The following DLG2 variants were observed in gnomAD, a reference collection of about 807,000 sequenced individuals.
The protein encoded by DLG2 is disks large homolog 2.
A neutral mutation model predicts 132.5 loss-of-function variants in DLG2; 45 were observed. The ratio of observed to expected loss-of-function variants is 0.34; its 90% CI spans 0.27 to 0.44. The LOEUF is 0.44. Among genes scored for constraint, DLG2 ranks in the 20% least tolerant of loss-of-function variants. The pLI, the probability that DLG2 is intolerant of heterozygous loss-of-function variation, is 1.00. For missense variants in DLG2, 1,045 were observed against 1,196.9 expected (o/e 0.87, Z 1.87); for synonymous variants, 424 against 419.6 (o/e 1.01, Z -0.13).
chr11:83,975,170 C>A (rs547905805), intron 12 of DLG2, among the ~76,000 whole-genome samples: 1 of 152,068 alleles, frequency 6.6e-6, no homozygotes, highest in African/African-American at 2.4e-5. Context: ...ATATGTATCA[C>A]CTTGGAAGTG....
At chr11:84,194,830 C>T (rs2096484477) in intron 8 of DLG2, among the ~76,000 whole-genome samples, 1 of 152,200 alleles carries the variant, frequency 6.6e-6, no homozygotes, top group Non-Finnish European at 1.5e-5. Context: ...AGCCCTTGGG[C>T]AGTTGATGGC....
rs531038056 is a variant in DLG2, at chr11:85,185,149, C to T, written c.187-30498G>A. On this transcript the variant is annotated intron_variant, in intron 4 of 27. Transcript: ENST00000376104. Reference sequence around the variant, plus strand: ...TTCAGTTCAGCTTACTTTTTGGCAACAGATACACCAAGATGCAGTTTGGTT... The same window carrying T: ...TTCAGTTCAGCTTACTTTTTGGCAATAGATACACCAAGATGCAGTTTGGTT... Among the ~76,000 whole-genome samples the T allele has an allele frequency of 4.6e-5, 7 of 151,986 alleles. No individual in the cohort carries two copies. The East Asian group carries it at 1.2e-3, about 25-fold the overall frequency.
intron 3 of DLG2, among the ~76,000 whole-genome samples, chr11:85,337,235 A>G (rs1393293468): frequency 2.0e-5 from 3 of 152,168 alleles, no homozygotes; most frequent in Admixed American, 6.5e-5. Flanking sequence ...TCTGTTAAAA[A>G]TATTTTAATT....
chr11:84,609,377 A>G (rs2099591369), intron 6 of DLG2, among the ~76,000 whole-genome samples: 2 of 152,136 alleles, frequency 1.3e-5, no homozygotes, highest in African/African-American at 2.4e-5. Context: ...ATAGTTGTTA[A>G]GTGTTATTGT....
chr11:83,887,238 C>A (rs12293572), intron 15 of DLG2, among the ~76,000 whole-genome samples: 7 of 151,452 alleles, frequency 4.6e-5, no homozygotes, highest in Non-Finnish European at 7.4e-5. Flanking sequence ...AAGAATCAAA[C>A]AGACGCAATA....
chr11:84,183,712 C>T (rs1370213801), intron 8 of DLG2, among the ~76,000 whole-genome samples: 2 of 152,132 alleles, frequency 1.3e-5, no homozygotes, highest in Non-Finnish European at 2.9e-5. Flanking sequence ...TCTCCTAATG[C>T]TATCCCTCCC....
At chr11:85,146,314 A>G (rs72961539) in intron 5 of DLG2, among the ~76,000 whole-genome samples, 2 of 150,018 alleles carry the variant, frequency 1.3e-5, no homozygotes, top group African/African-American at 4.9e-5. Context: ...TCCCAAAGCT[A>G]TCACAGCCAG....
chr11:84,124,953 C>A (rs527733525), intron 9 of DLG2, among the ~76,000 whole-genome samples: 1 of 147,680 alleles, frequency 6.8e-6, no homozygotes, highest in Non-Finnish European at 1.5e-5. Flanking sequence ...AGGGTTCAAG[C>A]GATTCTCCTG....
At chr11:85,342,020 A>G (rs1270712114) in intron 3 of DLG2, among the ~76,000 whole-genome samples, 1 of 152,226 alleles carries the variant, frequency 6.6e-6, no homozygotes, top group Non-Finnish European at 1.5e-5. Flanking sequence ...CTGATGAGTC[A>G]ATGAGTGAGT....
chr11:84,242,257 T>C (rs563278226), intron 8 of DLG2, among the ~76,000 whole-genome samples: 2 of 152,210 alleles, frequency 1.3e-5, no homozygotes, highest in East Asian at 1.9e-4. Flanking sequence ...ATGAGTACAG[T>C]AGTCAACAAA....
chr11:83,595,120 C>T (rs1277067710), intron 19 of DLG2, among the ~76,000 whole-genome samples: 1 of 134,822 alleles, frequency 7.4e-6, no homozygotes, highest in Non-Finnish European at 1.6e-5. Context: ...AGCAATAAAT[C>T]TATTTATGGG....
At chr11:84,699,799 C>G (rs1178477075) in intron 6 of DLG2, among the ~76,000 whole-genome samples, 1 of 151,624 alleles carries the variant, frequency 6.6e-6, no homozygotes, top group South Asian at 2.1e-4. Context: ...GGAAAAAGAG[C>G]TTCATATAGG....
At chr11:84,162,549 CACTATTATAA>C (rs1420712096) in intron 9 of DLG2, among the ~76,000 whole-genome samples, 1 of 151,986 alleles carries the variant, frequency 6.6e-6, no homozygotes, top group Non-Finnish European at 1.5e-5. Flanking sequence ...TTTCAATCTT[CACTATTATAA>C]ACCATATCAA....
intron 8 of DLG2, among the ~76,000 whole-genome samples, chr11:84,189,056 T>C (rs775657136): frequency 2.0e-4 from 31 of 152,216 alleles, no homozygotes; most frequent in African/African-American, 5.3e-4. Context: ...GTTCTGGAAA[T>C]ATTGAATACT....
At chr11:85,354,145 C>T (rs2083509858) in intron 3 of DLG2, among the ~76,000 whole-genome samples, 1 of 151,938 alleles carries the variant, frequency 6.6e-6, no homozygotes, top group Non-Finnish European at 1.5e-5. Context: ...CCTATATCTC[C>T]ACAAAATAAA....
At position 83,804,294 on chromosome 11, in the gene DLG2, C is replaced by T. The variant is rs532981832; in HGVS notation, c.1723-17502G>A. Among the ~76,000 whole-genome samples the T allele has an allele frequency of 1.4e-4, 22 of 152,198 alleles. 1 individual carries two copies. In the South Asian group the frequency reaches 4.6e-3, roughly 32 times the overall value. On this transcript the variant is annotated intron_variant, in intron 17 of 27. Coordinates refer to ENST00000376104, the MANE Select transcript of DLG2 (RefSeq NM_001142699.3). ...CATGAAAATCAACTTGTATTCACCA[C>T]TATGAATGAGAAATAATATTTATTA...
chr11:84,957,826 G>T (rs2051928633), intron 6 of DLG2, among the ~76,000 whole-genome samples: 1 of 152,196 alleles, frequency 6.6e-6, no homozygotes, highest in Non-Finnish European at 1.5e-5. Flanking sequence ...TGGTATGATT[G>T]CTGTGTCTGT....
At chr11:83,950,358 G>A (rs2085100434) in intron 14 of DLG2, among the ~76,000 whole-genome samples, 1 of 152,190 alleles carries the variant, frequency 6.6e-6, no homozygotes, top group Admixed American at 6.5e-5. Context: ...ACTTTGGGAG[G>A]CTGAGGTGGG....
chr11:84,882,858 A>G lies in DLG2; in HGVS notation c.357+228803T>C, dbSNP rs146757543. Among the ~76,000 whole-genome samples, 18 of 152,180 alleles carry G rather than the reference A, an allele frequency of 1.2e-4. No homozygotes were observed. In the East Asian group the frequency reaches 3.3e-3, roughly 28 times the overall value. ...CTTTAAAGCCTTTCTTAAGATGATG[A>G]AAGTTTTAGAGAGGATGACTAAATC... On this transcript the variant is annotated intron_variant, in intron 6 of 27. Transcript: ENST00000376104.
Sources: allele counts gnomAD v4.1 joint callset (sites outside exome capture counted in the v4.1 genomes callset), GRCh38; gene constraint gnomAD v4.1.1; transcripts MANE v1.5; gene names NCBI Gene and HGNC (gene_info 2026-07-23, HGNC 2026-07-21).